The following PRDM15 variants were observed in gnomAD, a reference collection of about 807,000 sequenced individuals.
PRDM15 encodes PR/SET domain 15, also known as PR domain zinc finger protein 15.
In PRDM15, 64 loss-of-function variants were observed where a neutral mutation model predicts 128.6. The ratio of observed to expected loss-of-function variants is 0.50; its 90% CI spans 0.41 to 0.61. PRDM15 has a LOEUF of 0.61. Among genes scored for constraint, PRDM15 ranks in the 20% least tolerant of loss-of-function variants. The probability of loss-of-function intolerance (pLI) is 0.00; values close to 1 mark genes in which losing one functional copy is unlikely to be tolerated. For synonymous variants in PRDM15, 615 were observed against 621.8 expected (o/e 0.99, Z 0.16); for missense variants, 1,242 against 1,569.1 (o/e 0.79, Z 3.52).
intron 11 of PRDM15, chr21:41,834,376 G>A (rs1211808483): frequency 8.8e-6 from 7 of 795,510 alleles, no homozygotes; most frequent in East Asian, 2.7e-5. Context: ...AGAGCCCCTG[G>A]GAGTCCGCTG....
In PRDM15 at chr21:41,854,742, C is replaced by T. The variant is rs138694517; in HGVS notation, c.362G>A (p.Arg121Gln). 2.5e-6 allele frequency: 4 copies of T among 1,613,294 alleles called. No individual in the cohort carries two copies. The highest frequency in any genetic ancestry group is 1.3e-5 in the African/African-American group (1 of 75,062). ...EDDCNWMMLV[R>Q]PAAEAEHQNL... ...CTGGTGCTCGGCCTCCGCCGCTGGCCGCACCAGCATCATCCAGTTGCAGTC... is the reference window on the plus strand; with the variant it reads ...CTGGTGCTCGGCCTCCGCCGCTGGCTGCACCAGCATCATCCAGTTGCAGTC... The change falls in exon 5 of 24, where the codon CGG becomes CAG. Residue 121 changes from arginine (R) to glutamine (Q), a missense_variant. Physicochemically the swap from Arg to Gln is conservative, Grantham distance 43. Transcript: ENST00000398548. The surrounding 1 kb of genome is among the most constrained non-coding windows in gnomAD (Gnocchi z 4.6).
chr21:41,869,605 C>T (rs1217925702), intron 1 of PRDM15, among the ~76,000 whole-genome samples: 4 of 152,092 alleles, frequency 2.6e-5, no homozygotes, highest in African/African-American at 9.7e-5. Flanking sequence ...CACCACCACG[C>T]CTGGCTAATT....
At chr21:41,805,328 C>T (rs373556461) in intron 21 of PRDM15, among the ~76,000 whole-genome samples, 1 of 152,160 alleles carries the variant, frequency 6.6e-6, no homozygotes, top group African/African-American at 2.4e-5. Flanking sequence ...AGGGGAGGGG[C>T]TGCAAAACAA....
At chr21:41,825,854 C>T in intron 13 of PRDM15, 106 bp downstream of exon 13, 1 of 883,286 alleles carries the variant, frequency 1.1e-6, no homozygotes, top group Non-Finnish European at 1.8e-6. Flanking sequence ...CATCGTTACC[C>T]CCCAAATCTT....
chr21:41,855,704 A>G (rs558982139), intron 4 of PRDM15, among the ~76,000 whole-genome samples: 97 of 152,334 alleles, frequency 6.4e-4, no homozygotes, highest in African/African-American at 2.3e-3. Context: ...AGAATCGCGT[A>G]GCTGAAGGAC....
At chr21:41,869,365 C>T (rs544948588) in intron 1 of PRDM15, among the ~76,000 whole-genome samples, 1 of 152,284 alleles carries the variant, frequency 6.6e-6, no homozygotes, top group East Asian at 1.9e-4. Context: ...ACTGCAACCT[C>T]CACCTCCAGG....
chr21:41,878,979 G>A, intron 1 of PRDM15: 3 of 996,290 alleles, frequency 3.0e-6, no homozygotes, highest in Non-Finnish European at 3.6e-6. Flanking sequence ...GGCCAGGAGC[G>A]CCCGCGGCGG....
rs1423374695 is a variant in PRDM15 at position 41,832,076 on chromosome 21, G to A, written c.1366+3361C>T. 6.6e-6 allele frequency among the ~76,000 whole-genome samples: 1 copy of A among 152,228 alleles called. No homozygotes were observed. Among genetic ancestry groups the A allele is most frequent in the African/African-American group, 2.4e-5 (1 of 41,446 alleles). On this transcript the variant is annotated intron_variant, in intron 11 of 23. Coordinates refer to ENST00000398548, the MANE Select transcript of PRDM15 (RefSeq NM_001040424.3). This position sits in a 1 kb window ranked among gnomAD's most constrained non-coding sequence, Gnocchi z 4.2. ...CCTTCACACACTGCGTCTGAGGCGT[G>A]CGTGTTTACAGTGCTGGACGTTTTC...
rs1458275824 is a variant in PRDM15 at position 41,800,424 on chromosome 21, C to A, written c.*816G>T. 6.6e-6 allele frequency: 1 copy of A among 152,060 alleles called. No individual in the cohort carries two copies. The highest frequency in any genetic ancestry group is 1.5e-5 in the Non-Finnish European group (1 of 67,994). 9.4% of individuals were successfully genotyped at this position (152,060 alleles called of 1,614,324 possible). A position where few individuals can be genotyped will look rare whatever the true frequency, so the allele number is the denominator to read the frequency against. ...ACAGATGGTCCTACAGTGCACATGA[C>A]TTTATCATGTTAACATAAAACTAAA... On this transcript the variant is annotated 3_prime_UTR_variant, in exon 24 of 24. Coordinates refer to ENST00000398548, the MANE Select transcript of PRDM15 (RefSeq NM_001040424.3).
At chr21:41,805,231 C>T (rs2061525802) in intron 21 of PRDM15, among the ~76,000 whole-genome samples, 1 of 152,222 alleles carries the variant, frequency 6.6e-6, no homozygotes, top group African/African-American at 2.4e-5. Flanking sequence ...ACCCTGCTTA[C>T]AGCAGTTGCG....
At chr21:41,838,171 G>T in intron 7 of PRDM15, 108 bp from the exon 8 acceptor site, 1 of 1,203,062 alleles carries the variant, frequency 8.3e-7, no homozygotes, top group Non-Finnish European at 1.2e-6. Flanking sequence ...GGCCAGAATG[G>T]TAGGCACAAA....
intron 1 of PRDM15, chr21:41,878,851 G>T: frequency 2.2e-6 from 2 of 895,444 alleles, no homozygotes; most frequent in Non-Finnish European, 2.6e-6. Flanking sequence ...GGGCCGGGGC[G>T]GCGAAGACCC....
intron 5 of PRDM15, among the ~76,000 whole-genome samples, chr21:41,852,046 A>C (rs1315164222): frequency 2.0e-5 from 3 of 152,304 alleles, no homozygotes; most frequent in African/African-American, 7.2e-5. Flanking sequence ...GGATCTCCGA[A>C]ATCAGAGGCG....
Position 41,871,737 on chromosome 21 carries a change from A to C in PRDM15, c.-10+7533T>G, listed in dbSNP as rs888388197. 3.4e-6 allele frequency: 4 copies of C among 1,176,658 alleles called. No homozygotes were observed. In the Admixed American group the frequency reaches 7.9e-5, roughly 23 times the overall value. The allele number at this position is 1,176,658 out of a possible 1,614,324, so 72.9% of individuals were successfully genotyped here. On this transcript the variant is annotated intron_variant, in intron 1 of 23. Transcript: ENST00000398548. ...TCCTCTGTTGTTACCACTGACAGCC[A>C]ATCAGCAGCCTCCTTCCTGGATGGT...
chr21:41,876,933 C>T (rs966892417), intron 1 of PRDM15, among the ~76,000 whole-genome samples: 1 of 152,220 alleles, frequency 6.6e-6, no homozygotes, highest in Admixed American at 6.5e-5. Context: ...GATGCAGACT[C>T]TGCCCCGCCA....
At chr21:41,822,869 T>C (rs1052979781) in intron 14 of PRDM15, among the ~76,000 whole-genome samples, 2 of 152,056 alleles carry the variant, frequency 1.3e-5, no homozygotes, top group Admixed American at 1.3e-4. Flanking sequence ...ACCCTGTCTC[T>C]ACCAAAAATA....
rs1347376076 is a variant in PRDM15 at position 41,862,347 on chromosome 21, T to C, written c.-9-1975A>G. The stretch of plus-strand genomic sequence containing the variant: ...AGGAAGTCGTCCTGGCCTTGCTTAC[T>C]TGGGAGCCTGCACGAATCCCCTGAG... On this transcript the variant is annotated intron_variant, in intron 1 of 23. Transcript: ENST00000398548. This position sits in a 1 kb window ranked among gnomAD's most constrained non-coding sequence, Gnocchi z 4.1. Among the ~76,000 whole-genome samples, 1 of 152,178 alleles carries C rather than the reference T, an allele frequency of 6.6e-6. No individual in the cohort carries two copies. Among genetic ancestry groups the C allele is most frequent in the Non-Finnish European group, 1.5e-5 (1 of 68,016 alleles).
chr21:41,834,348 T>C (rs969581935), intron 11 of PRDM15, among the ~76,000 whole-genome samples: 30 of 152,140 alleles, frequency 2.0e-4, no homozygotes, highest in Admixed American at 2.6e-4. Flanking sequence ...ACATGGCCCA[T>C]GTGCGACAGC....
Position 41,801,273 on chromosome 21 carries a change from C to G in PRDM15, c.3393G>C (p.Ala1131=). 1 of 1,540,880 alleles carries G rather than the reference C, an allele frequency of 6.5e-7. No individual in the cohort carries two copies. The highest frequency in any genetic ancestry group is 2.0e-5 in the Admixed American group (1 of 50,146). The change falls in exon 24 of 24, where the codon GCG becomes GCC. Residue 1131 remains alanine, a synonymous_variant. Transcript: ENST00000398548. ...TGTACATCTGCTGCTGCTGCTGCTC[C>G]GCCTGCACCTGGGGCTGGGCCGCCT... is the stretch of plus-strand genomic sequence containing the variant. ...PQQAAQPQVQ[A]EQQQQQMYSY
Sources: allele counts gnomAD v4.1 joint callset (sites outside exome capture counted in the v4.1 genomes callset), GRCh38; gene constraint gnomAD v4.1.1; non-coding constraint Gnocchi (gnomAD v3.1); transcripts MANE v1.5; gene names NCBI Gene and HGNC (gene_info 2026-07-23, HGNC 2026-07-21).